GOLM1: variants seen among roughly 807,000 people sequenced by gnomAD.
GOLM1 encodes epididymis luminal protein 46.
A neutral mutation model predicts 50.5 loss-of-function variants in GOLM1; 31 were observed. The ratio of observed to expected loss-of-function variants is 0.61; its 90% CI spans 0.46 to 0.83. The LOEUF (loss-of-function observed/expected upper bound fraction) is 0.83. GOLM1 is among the 40% of genes least tolerant of loss of function. The pLI, the probability that GOLM1 is intolerant of heterozygous loss-of-function variation, is 0.00. For missense variants in GOLM1, 491 were observed against 501.3 expected (o/e 0.98, Z 0.20); for synonymous variants, 178 against 192.8 (o/e 0.92, Z 0.64).
At chr9:86,069,977 G>A (rs1483111028) in intron 3 of GOLM1, among the ~76,000 whole-genome samples, 8 of 151,912 alleles carry the variant, frequency 5.3e-5, no homozygotes, top group African/African-American at 1.2e-4. Context: ...TCCGCCTCCC[G>A]GGTTCAAGCG....
chr9:86,082,784 G>A (rs773643804), intron 1 of GOLM1, among the ~76,000 whole-genome samples: 1 of 152,142 alleles, frequency 6.6e-6, no homozygotes, highest in African/African-American at 2.4e-5. Flanking sequence ...GGCAAGGCCC[G>A]GATATTTGTA....
chr9:86,028,292 GGAACACACTGGCAGAA>G (rs1832849327), intron 9 of GOLM1, among the ~76,000 whole-genome samples: 1 of 152,222 alleles, frequency 6.6e-6, no homozygotes, highest in South Asian at 2.1e-4. Context: ...GACGTCAAGA[GGAACACACTGGCAGAA>G]GAACACATCG....
intron 1 of GOLM1, among the ~76,000 whole-genome samples, chr9:86,085,318 G>C (rs986967996): frequency 1.3e-5 from 2 of 151,902 alleles, no homozygotes; most frequent in East Asian, 1.9e-4. Flanking sequence ...TTTTAAACTG[G>C]GGTGTTCATC....
rs1033469073 is a variant in GOLM1 at position 86,056,573 on chromosome 9, T to G, written c.310-3982A>C. On this transcript the variant is annotated intron_variant, in intron 3 of 9. Transcript: ENST00000388712. ...CAGGCTGGAATGCAGTGGCGTGATC[T>G]TGGCTCAAAGCAACCTCCACCTCCC... Among the ~76,000 whole-genome samples, 11 of 151,604 alleles carry G rather than the reference T, an allele frequency of 7.3e-5. No individual in the cohort carries two copies. In the South Asian group the frequency reaches 2.1e-3, roughly 29 times the overall value.
At chr9:86,065,590 C>A (rs1286979887) in intron 3 of GOLM1, among the ~76,000 whole-genome samples, 1 of 152,144 alleles carries the variant, frequency 6.6e-6, no homozygotes, top group Non-Finnish European at 1.5e-5. Context: ...CTGGTGGGGC[C>A]AGTGTGACGA....
In GOLM1 at chr9:86,040,752, T is replaced by C; in HGVS notation, c.584A>G (p.Asp195Gly). ...TTCCCCAGTTACCTGCTGTCTCTGGTCGTTGTTTTCACTCAGGTCTCTGGA... is the reference window on the plus strand; with the variant it reads ...TTCCCCAGTTACCTGCTGTCTCTGGCCGTTGTTTTCACTCAGGTCTCTGGA... ...VASRDLSENNDQRQQLQALSE... is the reference protein window; with the variant it reads ...VASRDLSENNGQRQQLQALSE... The change falls in exon 6 of 10, where the codon GAC becomes GGC. Residue 195 changes from aspartate (D) to glycine (G), a missense_variant. By Grantham distance (94) the Asp-to-Gly change is moderately conservative. Transcript: ENST00000388712. The C allele has an allele frequency of 6.2e-7, 1 of 1,613,086 alleles. No individual in the cohort carries two copies. The highest frequency in any genetic ancestry group is 8.5e-7 in the Non-Finnish European group (1 of 1,179,768).
intron 1 of GOLM1, among the ~76,000 whole-genome samples, chr9:86,085,225 G>T (rs1276570898): frequency 6.6e-6 from 1 of 152,104 alleles, no homozygotes; most frequent in African/African-American, 2.4e-5. Context: ...CACATTAATT[G>T]TGAGTACAAA....
At chr9:86,062,555 T>G (rs1834192036) in intron 3 of GOLM1, among the ~76,000 whole-genome samples, 5 of 134,826 alleles carry the variant, frequency 3.7e-5, no homozygotes, top group South Asian at 2.4e-4. Context: ...CAGAGTAGGA[T>G]GGAGGAAAGG....
At chr9:86,088,695 T>C (rs1835074684) in intron 1 of GOLM1, among the ~76,000 whole-genome samples, 1 of 151,096 alleles carries the variant, frequency 6.6e-6, no homozygotes, top group Non-Finnish European at 1.5e-5. Context: ...ACAGCATACC[T>C]ATGGGTCTTG....
At chr9:86,036,773 G>T in intron 6 of GOLM1, 1 of 446,708 alleles carries the variant, frequency 2.2e-6, no homozygotes. Context: ...AGCATTTACG[G>T]AATAATAAAA....
intron 3 of GOLM1, among the ~76,000 whole-genome samples, chr9:86,076,402 C>T (rs1217131305): frequency 1.3e-5 from 1 of 75,652 alleles, no homozygotes; most frequent in Non-Finnish European, 2.4e-5. Flanking sequence ...GCCTGGACAA[C>T]AAGAGGGAAA....
chr9:86,074,933 G>C (rs11141212), intron 3 of GOLM1, among the ~76,000 whole-genome samples: 7 of 152,104 alleles, frequency 4.6e-5, no homozygotes, highest in Non-Finnish European at 8.8e-5. Context: ...AATCTGCTAC[G>C]GTCTGAGTGT....
intron 1 of GOLM1, among the ~76,000 whole-genome samples, chr9:86,091,972 T>C (rs73650924): frequency 0.012 from 1,825 of 152,264 alleles, 24 homozygotes; most frequent in African/African-American, 0.033. Context: ...TGGAATCCCA[T>C]TGCCATATCT....
At chr9:86,082,196 T>C (rs1222333933) in intron 1 of GOLM1, among the ~76,000 whole-genome samples, 1 of 151,184 alleles carries the variant, frequency 6.6e-6, no homozygotes, top group Non-Finnish European at 1.5e-5. Flanking sequence ...ACCTGGCTAA[T>C]TTTTTGTAGT....
intron 5 of GOLM1, among the ~76,000 whole-genome samples, chr9:86,043,182 G>A (rs896041031): frequency 7.2e-5 from 11 of 152,180 alleles, no homozygotes; most frequent in Admixed American, 5.9e-4. Flanking sequence ...GAGATGGCGA[G>A]CGGTTCATCT....
chr9:86,085,469 T>C (rs1265612937), intron 1 of GOLM1, among the ~76,000 whole-genome samples: 1 of 150,326 alleles, frequency 6.7e-6, no homozygotes, highest in African/African-American at 2.5e-5. Context: ...TTTTTTTTTT[T>C]TGAAGGTTCT....
intron 3 of GOLM1, among the ~76,000 whole-genome samples, chr9:86,057,835 G>A (rs1023625729): frequency 6.6e-6 from 1 of 152,198 alleles, no homozygotes; most frequent in African/African-American, 2.4e-5. Context: ...GGTGTCCACC[G>A]AGCCTGGCTG....
intron 3 of GOLM1, among the ~76,000 whole-genome samples, chr9:86,060,928 A>T (rs962002001): frequency 1.3e-4 from 19 of 142,908 alleles, no homozygotes; most frequent in African/African-American, 2.6e-4. Context: ...GAAGAAGAAG[A>T]AGTTACACAA....
intron 1 of GOLM1, among the ~76,000 whole-genome samples, chr9:86,090,786 C>CAAAAAAAAA (rs776381865): frequency 2.4e-5 from 1 of 41,276 alleles, no homozygotes; most frequent in East Asian, 7.2e-4. Flanking sequence ...ACTGGGGTAC[C>CAAAAAAAAA]AAAAAAAAAA....
Sources: allele counts gnomAD v4.1 joint callset (sites outside exome capture counted in the v4.1 genomes callset), GRCh38; gene constraint gnomAD v4.1.1; transcripts MANE v1.5; gene names NCBI Gene and HGNC (gene_info 2026-07-23, HGNC 2026-07-21).